Variants in RSPO2 observed in about 807,000 individuals in gnomAD.
RSPO2 encodes R-spondin 2.
In RSPO2, 14 loss-of-function variants were observed where a neutral mutation model predicts 30.9. That is an observed-to-expected ratio of 0.45 (90% CI 0.30 to 0.71). The LOEUF (loss-of-function observed/expected upper bound fraction) is 0.71, where lower values mean the gene tolerates loss of function less well. Among genes scored for constraint, RSPO2 ranks in the 30% least tolerant of loss-of-function variants. The pLI is 0.08. For synonymous variants in RSPO2, 107 were observed against 96.4 expected, an observed-to-expected ratio of 1.11 and a Z score of -0.64; for missense variants, 264 against 301.9, an observed-to-expected ratio of 0.87 and a Z score of 0.93.
At chr8:107,909,112 G>C (rs532332600) in intron 5 of RSPO2, among the ~76,000 whole-genome samples, 1 of 152,238 alleles carries the variant, frequency 6.6e-6, no homozygotes, top group African/African-American at 2.4e-5. Context: ...CCCTGCTGTA[G>C]TCCACTTCTG....
intron 3 of RSPO2, among the ~76,000 whole-genome samples, chr8:107,973,339 A>C (rs995661454): frequency 2.0e-5 from 3 of 152,120 alleles, no homozygotes; most frequent in Non-Finnish European, 2.9e-5. Flanking sequence ...TTATAACTGC[A>C]TAACGGTTTT....
intron 5 of RSPO2, among the ~76,000 whole-genome samples, chr8:107,938,586 A>C (rs1418175582): frequency 4.6e-5 from 7 of 152,192 alleles, no homozygotes; most frequent in Non-Finnish European, 1.0e-4. Context: ...GAAACATGTA[A>C]AGTATTTGGA....
chr8:108,065,660 A>T (rs781182394), intron 2 of RSPO2, among the ~76,000 whole-genome samples: 13 of 67,170 alleles, frequency 1.9e-4, no homozygotes, highest in African/African-American at 4.0e-4. Flanking sequence ...CAGAAGGAAT[A>T]AAAAAAAAAA....
intron 4 of RSPO2, among the ~76,000 whole-genome samples, chr8:107,959,659 T>A (rs1012757617): frequency 6.6e-6 from 1 of 152,230 alleles, no homozygotes; most frequent in Non-Finnish European, 1.5e-5. Context: ...ACTAAACATG[T>A]GTAATGTGTG....
chr8:107,984,412 T>C (rs1372867124), intron 3 of RSPO2, among the ~76,000 whole-genome samples: 3 of 152,226 alleles, frequency 2.0e-5, no homozygotes, highest in African/African-American at 7.2e-5. Context: ...GCATTAACTG[T>C]ATGCACTTTG....
intron 2 of RSPO2, among the ~76,000 whole-genome samples, chr8:108,068,208 T>G (rs1402949813): frequency 6.6e-6 from 1 of 152,222 alleles, no homozygotes; most frequent in Non-Finnish European, 1.5e-5. Context: ...GAGGTGACTC[T>G]GAGTTTGTGT....
chr8:108,066,070 A>C lies in RSPO2; in HGVS notation c.94+16475T>G, dbSNP rs115358570. Among the ~76,000 whole-genome samples, 312 of 152,108 alleles carry C rather than the reference A, an allele frequency of 2.1e-3. 1 individual carries two copies. Among genetic ancestry groups the C allele is most frequent in the African/African-American group, 6.0e-3 (249 of 41,440 alleles). On this transcript the variant is annotated intron_variant, in intron 2 of 5. Coordinates refer to ENST00000276659, the MANE Select transcript of RSPO2 (RefSeq NM_178565.5). ...AAAGAAAAAAAGAAAAAGAAAAAGA[A>C]AAGACAAGAGTGCACAGAAACAGAC...
intron 2 of RSPO2, among the ~76,000 whole-genome samples, chr8:108,046,818 A>G (rs988615620): frequency 2.6e-5 from 4 of 152,178 alleles, no homozygotes; most frequent in African/African-American, 9.7e-5. Context: ...GTTAAGGGCA[A>G]TTCACAGTAC....
intron 5 of RSPO2, among the ~76,000 whole-genome samples, chr8:107,957,041 T>C (rs978398612): frequency 6.6e-6 from 1 of 152,182 alleles, no homozygotes; most frequent in African/African-American, 2.4e-5. Context: ...CTGGATCTAA[T>C]AGTTCTCAAA....
At chr8:108,056,567 G>A (rs1212252175) in intron 2 of RSPO2, among the ~76,000 whole-genome samples, 9 of 128,782 alleles carry the variant, frequency 7.0e-5, no homozygotes, top group Admixed American at 4.0e-4. Context: ...AGGCTGCAGT[G>A]AACCAAGATG....
At chr8:107,962,768 CAG>C (rs1813672722) in intron 3 of RSPO2, among the ~76,000 whole-genome samples, 1 of 149,994 alleles carries the variant, frequency 6.7e-6, no homozygotes, top group South Asian at 2.1e-4. Flanking sequence ...AAGGATAAAA[CAG>C]AACTAAAGGG....
chr8:108,017,569 T>TC, intron 2 of RSPO2, among the ~76,000 whole-genome samples: 1 of 152,224 alleles, frequency 6.6e-6, no homozygotes, highest in African/African-American at 2.4e-5. Flanking sequence ...TATGGAAAGT[T>TC]ATAAACATAA....
At chr8:108,016,060 G>A (rs1810880736) in intron 2 of RSPO2, among the ~76,000 whole-genome samples, 1 of 152,198 alleles carries the variant, frequency 6.6e-6, no homozygotes, top group African/African-American at 2.4e-5. Context: ...TGTAACAAAT[G>A]CTAGAGGAGT....
chr8:108,035,445 GTTTT>G (rs150646928), intron 2 of RSPO2, among the ~76,000 whole-genome samples: 4 of 151,288 alleles, frequency 2.6e-5, no homozygotes, highest in Admixed American at 2.0e-4. Context: ...TTTTTGTTTT[GTTTT>G]TTTGTTTTGT....
intron 4 of RSPO2, among the ~76,000 whole-genome samples, chr8:107,959,204 C>T (rs1454585051): frequency 6.6e-6 from 1 of 152,196 alleles, no homozygotes; most frequent in African/African-American, 2.4e-5. Context: ...TCTGTTCTTT[C>T]AACAGGTTTC....
intron 2 of RSPO2, among the ~76,000 whole-genome samples, chr8:107,991,154 G>C (rs1814831258): frequency 6.6e-6 from 1 of 151,228 alleles, no homozygotes; most frequent in Admixed American, 6.6e-5. Flanking sequence ...GTCTAAGCCA[G>C]GAGAACTGCC....
intron 2 of RSPO2, among the ~76,000 whole-genome samples, chr8:108,032,569 C>T (rs1811457136): frequency 1.3e-5 from 2 of 152,090 alleles, no homozygotes; most frequent in Admixed American, 1.3e-4. Flanking sequence ...AAATGAAAAT[C>T]AACCTCCCCC....
At chr8:108,016,807 C>T (rs1025798567) in intron 2 of RSPO2, among the ~76,000 whole-genome samples, 5 of 151,958 alleles carry the variant, frequency 3.3e-5, no homozygotes, top group Admixed American at 2.6e-4. Flanking sequence ...GCACCTCTTC[C>T]CAACTCTCTC....
At chr8:107,989,963 C>T (rs769121932) in intron 2 of RSPO2, among the ~76,000 whole-genome samples, 3 of 152,092 alleles carry the variant, frequency 2.0e-5, no homozygotes, top group Non-Finnish European at 4.4e-5. Flanking sequence ...TCATGAGGAA[C>T]AGTCAACAAT....
Sources: gnomAD v4.1 joint callset for allele counts (sites outside exome capture counted in the v4.1 genomes callset) on GRCh38, gnomAD v4.1.1 for gene constraint, MANE v1.5 for transcripts, NCBI Gene and HGNC (gene_info 2026-07-23, HGNC 2026-07-21) for gene names.